SCMH1: variants seen among roughly 807,000 people sequenced by gnomAD.
SCMH1 encodes polycomb protein SCMH1.
In SCMH1, 37 loss-of-function variants were observed where a neutral mutation model predicts 70.8. The ratio of observed to expected loss-of-function variants is 0.52; its 90% CI spans 0.40 to 0.69. The LOEUF (loss-of-function observed/expected upper bound fraction) is 0.69, where lower values mean the gene tolerates loss of function less well. Among genes scored for constraint, SCMH1 ranks in the 30% least tolerant of loss-of-function variants. SCMH1 has a pLI of 0.00. For missense variants in SCMH1, 607 were observed against 827.3 expected (o/e 0.73, Z 3.27); for synonymous variants, 292 against 307.4 (o/e 0.95, Z 0.52).
chr1:41,211,859 C>T (rs1433079608), intron 1 of SCMH1, among the ~76,000 whole-genome samples: 1 of 152,122 alleles, frequency 6.6e-6, no homozygotes, highest in Non-Finnish European at 1.5e-5. Context: ...AGTTCATGTC[C>T]TTTGCAGGGA....
intron 1 of SCMH1, among the ~76,000 whole-genome samples, chr1:41,229,687 T>C (rs1340281774): frequency 1.3e-5 from 2 of 151,962 alleles, no homozygotes; most frequent in Non-Finnish European, 2.9e-5. Flanking sequence ...CATGTATACC[T>C]ATGTAACAAA....
In SCMH1 at chr1:41,229,800, A is replaced by T. The variant is rs549987719; in HGVS notation, c.-118+12259T>A. On this transcript the variant is annotated intron_variant, in intron 1 of 14. Coordinates refer to ENST00000337495, the Ensembl canonical transcript of SCMH1. ...CATGTCCTCATGGAACTTAACAAGT[A>T]AGCAAATAAATAATTACATGTTGTG... Among the ~76,000 whole-genome samples, 40 of 152,330 alleles carry T rather than the reference A, an allele frequency of 2.6e-4. 1 individual carries two copies. In the South Asian group the frequency reaches 3.7e-3, roughly 14 times the overall value.
chr1:41,082,740 A>G (rs1042338924), intron 8 of SCMH1, among the ~76,000 whole-genome samples: 10 of 152,284 alleles, frequency 6.6e-5, no homozygotes, highest in Admixed American at 6.5e-4. Flanking sequence ...ATACTGGCAA[A>G]CCGAATCCAG....
At chr1:41,234,300 T>C (rs1305318204) in intron 1 of SCMH1, among the ~76,000 whole-genome samples, 1 of 151,962 alleles carries the variant, frequency 6.6e-6, no homozygotes. Context: ...TAATTCCACA[T>C]ACAATCATTC....
At chr1:41,154,008 C>T (rs576666627) in intron 4 of SCMH1, among the ~76,000 whole-genome samples, 1 of 152,280 alleles carries the variant, frequency 6.6e-6, no homozygotes, top group South Asian at 2.1e-4. Flanking sequence ...TACTCAGCTC[C>T]ACCACTCCAG....
At chr1:41,052,390 T>G (rs1202075530) in intron 10 of SCMH1, among the ~76,000 whole-genome samples, 1 of 152,248 alleles carries the variant, frequency 6.6e-6, no homozygotes, top group East Asian at 1.9e-4. Context: ...TGTGTGCTCC[T>G]TATGAGAATC....
rs143312426 is a variant in SCMH1 at position 41,068,910 on chromosome 1, G to A, written c.1105+1685C>T. On this transcript the variant is annotated intron_variant, in intron 10 of 14. Coordinates refer to ENST00000337495, the Ensembl canonical transcript of SCMH1. ...AAACAGAGACCCTCACCAAAAAAGA[G>A]AGGTGAACAGAATCTCAAGAAACTA... is the stretch of plus-strand genomic sequence containing the variant. 6.9e-3 allele frequency among the ~76,000 whole-genome samples: 1,052 copies of A among 152,290 alleles called. 6 individuals are homozygous for A. The highest frequency in any genetic ancestry group is 0.024 in the African/African-American group (999 of 41,560).
chr1:41,048,594 G>C (rs982908179), intron 11 of SCMH1, 96 bp downstream of exon 11: 1 of 1,078,458 alleles, frequency 9.3e-7, no homozygotes, highest in Non-Finnish European at 1.4e-6. Context: ...GAGCCTGCAG[G>C]TATGAAGTGG....
rs182058275 is a variant in SCMH1, at chr1:41,036,205, C to T, written c.1678+1157G>A. On this transcript the variant is annotated intron_variant, in intron 13 of 14. Transcript: ENST00000337495. Reference sequence around the variant, plus strand: ...TCAACTGCTGTTTATACACTGGTGACTCCTAAATATTTAACTTCAGCCCAG... The same window carrying T: ...TCAACTGCTGTTTATACACTGGTGATTCCTAAATATTTAACTTCAGCCCAG... 8.7e-4 allele frequency among the ~76,000 whole-genome samples: 132 copies of T among 152,250 alleles called. 1 individual carries two copies. Among genetic ancestry groups the T allele is most frequent in the African/African-American group, 2.8e-3 (115 of 41,554 alleles).
chr1:41,117,353 T>C (rs1395715584), intron 6 of SCMH1, among the ~76,000 whole-genome samples: 1 of 151,512 alleles, frequency 6.6e-6, no homozygotes, highest in Non-Finnish European at 1.5e-5. Flanking sequence ...CCTTCTGTTA[T>C]GCCCGGACAG....
intron 12 of SCMH1, among the ~76,000 whole-genome samples, chr1:41,039,655 G>C (rs1645833122): frequency 6.6e-6 from 1 of 150,906 alleles, no homozygotes; most frequent in Admixed American, 6.6e-5. Context: ...TGTATTTTTA[G>C]CAGAGATGGG....
At chr1:41,112,396 T>C (rs1669465447) in intron 8 of SCMH1, among the ~76,000 whole-genome samples, 1 of 152,172 alleles carries the variant, frequency 6.6e-6, no homozygotes. Flanking sequence ...ATGAGATTAT[T>C]ATTATTATCT....
chr1:41,221,002 T>C (rs1659138116), intron 1 of SCMH1, among the ~76,000 whole-genome samples: 1 of 152,200 alleles, frequency 6.6e-6, no homozygotes, highest in African/African-American at 2.4e-5. Flanking sequence ...CAAATGAGGA[T>C]GAATAAAGTC....
At chr1:41,230,097 A>T (rs1265972280) in intron 1 of SCMH1, among the ~76,000 whole-genome samples, 1 of 152,208 alleles carries the variant, frequency 6.6e-6, no homozygotes, top group African/African-American at 2.4e-5. Flanking sequence ...ACAAGGGAAA[A>T]TATCATTTGT....
chr1:41,223,312 G>C (rs553143754), intron 1 of SCMH1, among the ~76,000 whole-genome samples: 3 of 152,170 alleles, frequency 2.0e-5, no homozygotes, highest in Admixed American at 2.0e-4. Context: ...ACTGTGCCCA[G>C]GTAATGCAAT....
intron 1 of SCMH1, among the ~76,000 whole-genome samples, chr1:41,212,237 C>A (rs1205984484): frequency 6.6e-6 from 1 of 152,102 alleles, no homozygotes; most frequent in African/African-American, 2.4e-5. Context: ...AGGATCATTA[C>A]ATAAAGGTAA....
intron 13 of SCMH1, 117 bp downstream of exon 14, chr1:41,033,866 G>A: frequency 6.8e-7 from 1 of 1,468,126 alleles, no homozygotes; most frequent in Non-Finnish European, 9.2e-7. Flanking sequence ...AATTGGAGAT[G>A]CTTAGGGAAC....
intron 8 of SCMH1, among the ~76,000 whole-genome samples, chr1:41,096,506 A>T (rs1475771254): frequency 1.3e-5 from 2 of 152,240 alleles, no homozygotes; most frequent in Non-Finnish European, 2.9e-5. Flanking sequence ...TACATAGTGA[A>T]CGCTCAATAA....
intron 1 of SCMH1, among the ~76,000 whole-genome samples, chr1:41,221,759 G>A (rs1659334947): frequency 6.6e-6 from 1 of 151,600 alleles, no homozygotes; most frequent in African/African-American, 2.4e-5. Flanking sequence ...AGGTGTGGTG[G>A]CAGGCACCTG....
Sources: allele counts gnomAD v4.1 joint callset (sites outside exome capture counted in the v4.1 genomes callset), GRCh38; gene constraint gnomAD v4.1.1; transcripts MANE v1.5; gene names NCBI Gene and HGNC (gene_info 2026-07-23, HGNC 2026-07-21).